The following PLCB2 variants were observed in gnomAD, a reference collection of about 807,000 sequenced individuals.
The protein encoded by PLCB2 is phospholipase C beta 2, also known as 1-phosphatidylinositol 4,5-bisphosphate phosphodiesterase beta-2.
Under a neutral mutation model 141.7 loss-of-function variants are expected in PLCB2, and 115 were observed. The ratio of observed to expected loss-of-function variants is 0.81; its 90% CI spans 0.70 to 0.95. The LOEUF (loss-of-function observed/expected upper bound fraction) is 0.95, where lower values mean the gene tolerates loss of function less well. Ranked by LOEUF, PLCB2 falls within the 40% of genes least tolerant of loss-of-function variation. The pLI is 0.00. For synonymous variants in PLCB2, 603 were observed against 595.6 expected (o/e 1.01, Z -0.18); for missense variants, 1,403 against 1,541.1 (o/e 0.91, Z 1.50).
chr15:40,306,028 TTACC>T (rs2040777402), intron 1 of PLCB2, among the ~76,000 whole-genome samples: 2 of 152,338 alleles, frequency 1.3e-5, no homozygotes, highest in Admixed American at 6.5e-5. Context: ...CTGGACTGTG[TTACC>T]TGAGAGTAAA....
At position 40,291,855 on chromosome 15, in the gene PLCB2, A is replaced by AC. The variant is rs745821264; in HGVS notation, c.2595dup (p.Ser866ValfsTer109). Reference sequence around the variant, plus strand: ...TGCGGACCGAAGCTCATACCTGGTGACCCATTGCTCGTTGGGGCCAACGCC... The same window carrying AC: ...TGCGGACCGAAGCTCATACCTGGTGACCCCATTGCTCGTTGGGGCCAACGCC... On this transcript the variant is annotated frameshift_variant, in exon 24 of 32. Transcript: ENST00000260402. LOFTEE classifies it high-confidence loss of function. 6.2e-7 allele frequency: 1 copy of AC among 1,614,092 alleles called. No homozygotes were observed. Among genetic ancestry groups the AC allele is most frequent in the Non-Finnish European group, 8.5e-7 (1 of 1,179,966 alleles).
rs758325662 is a variant in PLCB2 at position 40,292,485 on chromosome 15, C to G, written c.2327-42G>C. Reference sequence around the variant, plus strand: ...GGTAGGCAGTGAGCCAGAGCCCGTTCCTGCCAGCACTGTGCACACACAGCC... The same window carrying G: ...GGTAGGCAGTGAGCCAGAGCCCGTTGCTGCCAGCACTGTGCACACACAGCC... On this transcript the variant is annotated intron_variant, in intron 21 of 31. Transcript: ENST00000260402. The G allele has an allele frequency of 2.1e-6, 3 of 1,401,296 alleles. No individual in the cohort carries two copies. The South Asian group carries it at 3.6e-5, about 17-fold the overall frequency. 86.8% of individuals were successfully genotyped at this position (1,401,296 alleles called of 1,614,324 possible). A position where few individuals can be genotyped will look rare whatever the true frequency, so the allele number is the denominator to read the frequency against.
At position 40,298,358 on chromosome 15, in the gene PLCB2, G is replaced by A; in HGVS notation, c.1020C>T (p.Ser340=). 2 of 1,593,620 alleles carry A rather than the reference G, an allele frequency of 1.3e-6. No individual in the cohort carries two copies. Among genetic ancestry groups the A allele is most frequent in the Non-Finnish European group, 1.7e-6 (2 of 1,166,894 alleles). The change falls in exon 11 of 32, where the codon TCC becomes TCT. Residue 340 remains serine (S), a synonymous_variant. Coordinates refer to ENST00000260402, the MANE Select transcript of PLCB2 (RefSeq NM_004573.3). ...GCACCTGGCGGTACATCTCAGCCGA[G>A]GAGAGGCCTGAGAACTGGCCGGCTG... The part of the protein sequence containing the change: ...YLTAGQFSGL[S]SAEMYRQVLL...
chr15:40,294,527 G>T (rs1295624488), intron 18 of PLCB2, 107 bp from the exon 19 acceptor site: 3 of 1,199,292 alleles, frequency 2.5e-6, no homozygotes, highest in South Asian at 2.6e-5. Context: ...GGGAGGTTGG[G>T]TGGACCGTGA....
At chr15:40,292,001 G>C in intron 23 of PLCB2, 63 bp downstream of exon 23, 1 of 1,604,084 alleles carries the variant, frequency 6.2e-7, no homozygotes, top group South Asian at 1.1e-5. Context: ...CCTCTCCCCA[G>C]CCTCTCCCAT....
chr15:40,300,999 A>G (rs2412507), intron 7 of PLCB2: 150,499 of 152,868 alleles, frequency 0.98, 74,128 homozygotes, highest in East Asian at 1. Flanking sequence ...GAGCTCAGGC[A>G]GCAGGAGAGA....
At chr15:40,287,220 C>G (rs1418528806), downstream of PLCB2, among the ~76,000 whole-genome samples, 1 of 152,120 alleles carries the variant, frequency 6.6e-6, no homozygotes, top group East Asian at 1.9e-4. Flanking sequence ...AATGATCAGC[C>G]CCCTCACCTC....
chr15:40,294,964 C>T lies in PLCB2; in HGVS notation c.1878G>A (p.Gln626=), dbSNP rs1376444050. The T allele has an allele frequency of 3.1e-6, 5 of 1,614,172 alleles. No individual in the cohort carries two copies. Among genetic ancestry groups the T allele is most frequent in the South Asian group, 2.2e-5 (2 of 91,090 alleles). The part of the protein sequence containing the change: ...MPQMFWNAGC[Q]MVALNFQTMD... Reference sequence around the variant, plus strand: ...TCGTCTGGAAGTTGAGGGCAACCATCTGGCATCCAGCATTCCAGAACATCT... The same window carrying T: ...TCGTCTGGAAGTTGAGGGCAACCATTTGGCATCCAGCATTCCAGAACATCT... Residue 626 remains glutamine, a synonymous_variant, in exon 18 of 32, where the codon CAG becomes CAA. Transcript: ENST00000260402.
chr15:40,293,036 T>C lies in PLCB2; in HGVS notation c.2227-11A>G, dbSNP rs372453290. 1.1e-5 allele frequency: 17 copies of C among 1,560,968 alleles called. No individual in the cohort carries two copies. In the African/African-American group the frequency reaches 1.1e-4, roughly 10 times the overall value. ...CTCAGGCATCAAGATCTGGGGAGAG[T>C]TGGGGACATGACAGGCTGGGAGGGG... is the stretch of plus-strand genomic sequence containing the variant. On this transcript the variant is annotated splice_polypyrimidine_tract_variant and intron_variant, in intron 20 of 31. Transcript: ENST00000260402.
chr15:40,290,715 G>A, intron 28 of PLCB2, 43 bp from the exon 29 acceptor site: 1 of 1,611,630 alleles, frequency 6.2e-7, no homozygotes, highest in Non-Finnish European at 8.5e-7. Flanking sequence ...GTGCGGCTGA[G>A]CCCTTGCTGG....
At chr15:40,306,408 C>T (rs1241877920) in intron 1 of PLCB2, among the ~76,000 whole-genome samples, 3 of 152,138 alleles carry the variant, frequency 2.0e-5, no homozygotes, top group South Asian at 4.1e-4. Context: ...CACCAACCCC[C>T]GACCTCCACT....
At chr15:40,306,257 A>C (rs2040788979) in intron 1 of PLCB2, among the ~76,000 whole-genome samples, 1 of 152,206 alleles carries the variant, frequency 6.6e-6, no homozygotes, top group Non-Finnish European at 1.5e-5. Flanking sequence ...TCACAGCAGC[A>C]TGGACCTGTG....
chr15:40,288,453 A>C lies in PLCB2; in HGVS notation c.*262T>G. ...ATAGTCTTTTGCCCTCAACAAATAT[A>C]TGACACTTATCTAGAGATGGAGGGG... On this transcript the variant is annotated 3_prime_UTR_variant, in exon 32 of 32. Coordinates refer to ENST00000260402, the MANE Select transcript of PLCB2 (RefSeq NM_004573.3). 3 of 1,234,502 alleles carry C rather than the reference A, an allele frequency of 2.4e-6. No individual in the cohort carries two copies. Among genetic ancestry groups the C allele is most frequent in the Non-Finnish European group, 3.0e-6 (3 of 986,406 alleles). The allele number at this position is 1,234,502 out of a possible 1,614,324, so 76.5% of individuals were successfully genotyped here.
chr15:40,305,309 T>C (rs1008539548), intron 1 of PLCB2, among the ~76,000 whole-genome samples: 9 of 152,074 alleles, frequency 5.9e-5, no homozygotes, highest in African/African-American at 1.9e-4. Context: ...AAGCCTCGCA[T>C]GCATTAGGTA....
intron 9 of PLCB2, 38 bp downstream of exon 9, chr15:40,298,760 C>T: frequency 6.2e-7 from 1 of 1,611,184 alleles, no homozygotes; most frequent in Non-Finnish European, 8.5e-7. Context: ...CAAGGCAGGA[C>T]AGGACCACAG....
intron 2 of PLCB2, 131 bp from the exon 3 acceptor site, chr15:40,303,487 T>A (rs1437414130): frequency 1.5e-6 from 1 of 678,156 alleles, no homozygotes; most frequent in African/African-American, 1.8e-5. Flanking sequence ...TCTCTCTAGA[T>A]GCCAGGCTGC....
At chr15:40,303,383 G>A (rs766465356) in intron 2 of PLCB2, 27 bp from the exon 3 acceptor site, 11 of 1,565,708 alleles carry the variant, frequency 7.0e-6, no homozygotes, top group South Asian at 2.2e-5. Context: ...GATCCCGGTG[G>A]GAGCAAAGAA....
chr15:40,291,135 A>G lies in PLCB2; in HGVS notation c.2919T>C (p.Pro973=), dbSNP rs1357636775. ...ESAGAAPGEG[P]EGVDGRVREL... is the part of the protein sequence containing the mutation. ...CCCGCACGCGCCCGTCCACGCCCTCAGGGCCCTCGCCCGGCGCGGCTCCGG... is the reference window on the plus strand; with the variant it reads ...CCCGCACGCGCCCGTCCACGCCCTCGGGGCCCTCGCCCGGCGCGGCTCCGG... Residue 973 remains proline (P), a synonymous_variant, in exon 27 of 32, where the codon CCT becomes CCC. Coordinates refer to ENST00000260402, the MANE Select transcript of PLCB2 (RefSeq NM_004573.3). 3 of 1,574,500 alleles carry G rather than the reference A, an allele frequency of 1.9e-6. No individual in the cohort carries two copies. The highest frequency in any genetic ancestry group is 1.1e-5 in the South Asian group (1 of 87,472).
In PLCB2 at chr15:40,293,675, T is replaced by G; in HGVS notation, c.2111A>C (p.Glu704Ala). 6.2e-7 allele frequency: 1 copy of G among 1,614,084 alleles called. No individual in the cohort carries two copies. Among genetic ancestry groups the G allele is most frequent in the Non-Finnish European group, 8.5e-7 (1 of 1,179,972 alleles). Residue 704 changes from glutamate (E) to alanine (A), a missense_variant, in exon 20 of 32, where the codon GAA (glutamate) becomes GCA (alanine). Glu to Ala is a moderately radical substitution (Grantham distance 107). Transcript: ENST00000260402. ...CCCAGGAAGGCCAAACAGCTCCACT[T>G]CTACATAGGTGCGCACGCTGCGTTC... Reference protein sequence around the residue: ...LSERSVRTYVEVELFGLPGDP... With the variant: ...LSERSVRTYVAVELFGLPGDP...
Sources: allele counts gnomAD v4.1 joint callset (sites outside exome capture counted in the v4.1 genomes callset), GRCh38; gene constraint gnomAD v4.1.1; transcripts MANE v1.5; gene names NCBI Gene and HGNC (gene_info 2026-07-23, HGNC 2026-07-21).